Variants in PPAN observed in about 807,000 individuals in gnomAD.
PPAN encodes suppressor of SWI4 1 homolog.
PPAN carries 39 observed loss-of-function variants against 48.5 expected under a neutral mutation model. That is an observed-to-expected ratio of 0.80 (90% CI 0.62 to 1.05). The LOEUF is 1.05. Ranked by LOEUF, PPAN falls within the 50% of genes least tolerant of loss-of-function variation. The pLI is 0.00. For missense variants in PPAN, 736 were observed against 661.7 expected (o/e 1.11, Z -1.23); for synonymous variants, 315 against 268.6 (o/e 1.17, Z -1.69).
rs906598626 is a variant in PPAN at position 10,111,094 on chromosome 19, G to A, written c.1351G>A (p.Gly451Arg). 6.2e-7 allele frequency: 1 copy of A among 1,612,650 alleles called. No individual in the cohort carries two copies. The highest frequency in any genetic ancestry group is 8.5e-7 in the Non-Finnish European group (1 of 1,179,654). ...GTCCCAGGGAGCCCAGGCCAGGCGG[G>A]GGCCCAGAGGGGCTTCCCGGGATGG... ...DKSQGAQARR[G>R]PRGASRDGGR... The change falls in exon 12 of 12, where the codon GGG becomes AGG. Residue 451 changes from glycine to arginine, a missense_variant. Physicochemically the swap from Gly to Arg is moderately radical, Grantham distance 125. Transcript: ENST00000253107.
rs78029270 is a variant in PPAN, at chr19:10,110,542, G to A, written c.959G>A (p.Arg320Gln). 428 of 1,610,788 alleles carry A rather than the reference G, an allele frequency of 2.7e-4. 3 individuals are homozygous for A. In the East Asian group the frequency reaches 7.9e-3, roughly 30 times the overall value. Residue 320 changes from arginine to glutamine, a missense_variant, in exon 10 of 12, where the codon CGG becomes CAG. Coordinates refer to ENST00000253107, the MANE Select transcript of PPAN (RefSeq NM_020230.7). This position sits in a 1 kb window ranked among gnomAD's most constrained non-coding sequence, Gnocchi z 5.9. ...CTGGAAGCCAAGGAGAAGAAGCTGC[G>A]GCTGAAGGCGCAGAGGCAGGCCCAG... ...AILEAKEKKL[R>Q]LKAQRQAQQA...
At position 10,110,319 on chromosome 19, in the gene PPAN, C is replaced by G. The variant is rs1325708239; in HGVS notation, c.823-5C>G. On this transcript the variant is annotated splice_region_variant and splice_polypyrimidine_tract_variant and intron_variant, in intron 8 of 11. Transcript: ENST00000253107. The surrounding 1 kb of genome is among the most constrained non-coding windows in gnomAD (Gnocchi z 5.9). ...TGGGCTGACGCTTCTTCCTCGTCCC[C>G]TCAGATCGGCCCGCGGATGACACTG... The G allele has an allele frequency of 1.2e-6, 2 of 1,613,710 alleles. No homozygotes were observed. The highest frequency in any genetic ancestry group is 1.7e-6 in the Non-Finnish European group (2 of 1,179,968).
At position 10,110,245 on chromosome 19, in the gene PPAN, A is replaced by G; in HGVS notation, c.821A>G (p.Glu274Gly). The change falls in exon 8 of 12, where the codon GAG becomes GGG. Residue 274 changes from glutamate (E) to glycine (G), a missense_variant and splice_region_variant. Transcript: ENST00000253107. This position sits in a 1 kb window ranked among gnomAD's most constrained non-coding sequence, Gnocchi z 5.9. ...RAQQSAVRLTEIGPRMTLQLI... is the reference protein window; with the variant it reads ...RAQQSAVRLTGIGPRMTLQLI... ...CAGCAGAGTGCAGTGCGGCTCACCG[A>G]GGTGAGGCCCAGGGCAGGGGGACCC... 1.9e-6 allele frequency: 3 copies of G among 1,611,876 alleles called. No homozygotes were observed. Among genetic ancestry groups the G allele is most frequent in the Non-Finnish European group, 2.5e-6 (3 of 1,179,638 alleles).
Position 10,110,564 on chromosome 19 carries a change from C to A in PPAN, c.981C>A (p.Ala327=), listed in dbSNP as rs752080721. The change falls in exon 10 of 12, where the codon GCC becomes GCA. Residue 327 remains alanine, a synonymous_variant. Transcript: ENST00000253107. The surrounding 1 kb of genome is among the most constrained non-coding windows in gnomAD (Gnocchi z 5.9). ...TGCGGCTGAAGGCGCAGAGGCAGGC[C>A]CAGCAGGCCCAGAATGTGCAGCGCA... ...KKLRLKAQRQ[A]QQAQNVQRKQ... is the part of the protein sequence containing the mutation. 6.2e-7 allele frequency: 1 copy of A among 1,605,068 alleles called. No homozygotes were observed. The highest frequency in any genetic ancestry group is 8.5e-7 in the Non-Finnish European group (1 of 1,176,810).
chr19:10,107,642 C>A (rs181000109), intron 3 of PPAN, 36 bp downstream of exon 3: 3 of 1,605,264 alleles, frequency 1.9e-6, no homozygotes, highest in African/African-American at 2.7e-5. Flanking sequence ...CTCCCCCAGA[C>A]CCCCCCTTCC....
chr19:10,110,286 C>T lies in PPAN; in HGVS notation c.823-38C>T, dbSNP rs535657541. Reference sequence around the variant, plus strand: ...AGGGGGACCCCCGGGCTCCACCAGTCCCAACGGTGGGCTGACGCTTCTTCC... The same window carrying T: ...AGGGGGACCCCCGGGCTCCACCAGTTCCAACGGTGGGCTGACGCTTCTTCC... On this transcript the variant is annotated intron_variant, in intron 8 of 11. Coordinates refer to ENST00000253107, the MANE Select transcript of PPAN (RefSeq NM_020230.7). This position sits in a 1 kb window ranked among gnomAD's most constrained non-coding sequence, Gnocchi z 5.9. The T allele has an allele frequency of 1.2e-6, 2 of 1,613,162 alleles. No homozygotes were observed. The highest frequency in any genetic ancestry group is 2.2e-5 in the South Asian group (2 of 91,012).
rs372740190 is a variant in PPAN at position 10,110,456 on chromosome 19, A to T, written c.902-29A>T. On this transcript the variant is annotated intron_variant, in intron 9 of 11. Coordinates refer to ENST00000253107, the MANE Select transcript of PPAN (RefSeq NM_020230.7). The surrounding 1 kb of genome is among the most constrained non-coding windows in gnomAD (Gnocchi z 5.9). Reference sequence around the variant, plus strand: ...GTCATGGGTGTGGAGCTGCACCCGGATCTTGGTGACCCGCGTCTCTTGGCT... The same window carrying T: ...GTCATGGGTGTGGAGCTGCACCCGGTTCTTGGTGACCCGCGTCTCTTGGCT... 19 of 1,612,300 alleles carry T rather than the reference A, an allele frequency of 1.2e-5. No individual in the cohort carries two copies. Among genetic ancestry groups the T allele is most frequent in the African/African-American group, 4.0e-5 (3 of 74,818 alleles).
At chr19:10,107,004 T>C (rs906139764) in intron 2 of PPAN, 14 of 615,806 alleles carry the variant, frequency 2.3e-5, no homozygotes, top group Non-Finnish European at 3.9e-5. Context: ...CTGAGCAGCA[T>C]GGTGAAACCC....
intron 5 of PPAN, among the ~76,000 whole-genome samples, chr19:10,108,512 G>A (rs547322459): frequency 3.5e-4 from 53 of 152,148 alleles, no homozygotes; most frequent in Non-Finnish European, 6.8e-4. Context: ...ACTTTGGGAG[G>A]GCGAGGTGGG....
Position 10,110,755 on chromosome 19 carries a change from T to C in PPAN, c.1090T>C (p.Ser364Pro). The change falls in exon 11 of 12, where the codon TCT becomes CCT. Residue 364 changes from serine to proline, a missense_variant. By Grantham distance (74) the Ser-to-Pro change is moderately conservative. Coordinates refer to ENST00000253107, the MANE Select transcript of PPAN (RefSeq NM_020230.7). This position sits in a 1 kb window ranked among gnomAD's most constrained non-coding sequence, Gnocchi z 5.9. Reference protein sequence around the residue: ...ARVGGSDEEASGIPSRTASLE... With the variant: ...ARVGGSDEEAPGIPSRTASLE... The stretch of plus-strand genomic sequence containing the variant: ...GGTCGGGGGTAGTGATGAAGAGGCC[T>C]CTGGGATCCCTTCAAGGACGGCGAG... 1 of 1,613,862 alleles carries C rather than the reference T, an allele frequency of 6.2e-7. No individual in the cohort carries two copies. The highest frequency in any genetic ancestry group is 1.1e-5 in the South Asian group (1 of 91,070).
intron 6 of PPAN, 82 bp from the exon 7 acceptor site, chr19:10,109,831 T>G: frequency 6.3e-7 from 1 of 1,596,918 alleles, no homozygotes; most frequent in Non-Finnish European, 8.6e-7. Context: ...CCTGACGCAC[T>G]GTGGGAAGGG....
chr19:10,109,967 G>T lies in PPAN; in HGVS notation c.645G>T (p.Gln215His). ...GTCGCGGGATGAAGAAGCTGCTCCA[G>T]GAGAAGTTCCCCAACATGAGCCGCC... ...GASRGMKKLL[Q>H]EKFPNMSRLQ... The change falls in exon 7 of 12, where the codon CAG becomes CAT. Residue 215 changes from glutamine (Q) to histidine (H), a missense_variant. Gln to His is a conservative substitution (Grantham distance 24). Transcript: ENST00000253107. The T allele has an allele frequency of 6.2e-7, 1 of 1,614,082 alleles. No individual in the cohort carries two copies. Among genetic ancestry groups the T allele is most frequent in the Non-Finnish European group, 8.5e-7 (1 of 1,179,948 alleles).
At position 10,111,480 on chromosome 19, in the gene PPAN, C is replaced by A. The variant is rs2089073020; in HGVS notation, c.*315C>A. 3 of 625,874 alleles carry A rather than the reference C, an allele frequency of 4.8e-6. No homozygotes were observed. Among genetic ancestry groups the A allele is most frequent in the South Asian group, 3.8e-5 (2 of 52,114 alleles). The allele number at this position is 625,874 out of a possible 1,614,324, so 38.8% of individuals were successfully genotyped here. ...GCAGCAGCCATGAGTGGCCCCTCCC[C>A]CCAGTCCCACCAAAGAGCCGTGCAA... On this transcript the variant is annotated 3_prime_UTR_variant, in exon 12 of 12. Transcript: ENST00000253107.
chr19:10,108,000 C>G lies in PPAN; in HGVS notation c.379C>G (p.Arg127Gly). ...GCGTGATGTGGTCTCCTCACTGCGC[C>G]GGCACCGCATGCACGAGCAGCAGTT... ...LVRDVVSSLR[R>G]HRMHEQQFAH... Residue 127 changes from arginine (R) to glycine (G), a missense_variant, in exon 5 of 12, where the codon CGG (arginine) becomes GGG (glycine). Transcript: ENST00000253107. The G allele has an allele frequency of 6.2e-7, 1 of 1,611,258 alleles. No individual in the cohort carries two copies. Among genetic ancestry groups the G allele is most frequent in the Non-Finnish European group, 8.5e-7 (1 of 1,178,388 alleles).
rs1239515884 is a variant in PPAN at position 10,111,042 on chromosome 19, C to T, written c.1299C>T (p.Asp433=). Residue 433 remains aspartate, a synonymous_variant, in exon 12 of 12, where the codon GAC becomes GAT. Coordinates refer to ENST00000253107, the MANE Select transcript of PPAN (RefSeq NM_020230.7). The stretch of plus-strand genomic sequence containing the variant: ...ATCGAGGCAGGGGTCGCCTTTGTGA[C>T]CAGAAGTTTCCCAAGACCAAGGACA... The part of the protein sequence containing the change: ...EMDRGRGRLC[D]QKFPKTKDKS... The T allele has an allele frequency of 1.2e-6, 2 of 1,613,692 alleles. No homozygotes were observed. Among genetic ancestry groups the T allele is most frequent in the South Asian group, 2.2e-5 (2 of 91,074 alleles).
At chr19:10,108,252 C>T in intron 5 of PPAN, 118 bp downstream of exon 5, 1 of 1,414,264 alleles carries the variant, frequency 7.1e-7, no homozygotes, top group African/African-American at 1.4e-5. Flanking sequence ...CCTGGGTCTG[C>T]TGAGTCCTGA....
chr19:10,109,201 T>C (rs149088353), intron 5 of PPAN, among the ~76,000 whole-genome samples: 7,264 of 152,052 alleles, frequency 0.048, 500 homozygotes, highest in African/African-American at 0.15. Context: ...CCTCGTGAGC[T>C]GCCCGCCTCG....
At position 10,109,721 on chromosome 19, in the gene PPAN, C is replaced by T; in HGVS notation, c.590+14C>T. 1 of 1,612,298 alleles carries T rather than the reference C, an allele frequency of 6.2e-7. No individual in the cohort carries two copies. Among genetic ancestry groups the T allele is most frequent in the Non-Finnish European group, 8.5e-7 (1 of 1,179,036 alleles). ...CTTCCGCCACTAGTGAGTGTCCCAG[C>T]AGGATGGGAGACGAGGGGGTGCCGG... is the stretch of plus-strand genomic sequence containing the variant. On this transcript the variant is annotated intron_variant, in intron 6 of 11. Coordinates refer to ENST00000253107, the MANE Select transcript of PPAN (RefSeq NM_020230.7).
Position 10,110,267 on chromosome 19 carries a change from AC to A in PPAN, c.822+26del, listed in dbSNP as rs770552290. On this transcript the variant is annotated intron_variant, in intron 8 of 11. Transcript: ENST00000253107. The surrounding 1 kb of genome is among the most constrained non-coding windows in gnomAD (Gnocchi z 5.9). Reference sequence around the variant, plus strand: ...CCGAGGTGAGGCCCAGGGCAGGGGGACCCCCGGGCTCCACCAGTCCCAACGG... The same window carrying A: ...CCGAGGTGAGGCCCAGGGCAGGGGGACCCCGGGCTCCACCAGTCCCAACGG... 5 of 1,611,410 alleles carry A rather than the reference AC, an allele frequency of 3.1e-6. No individual in the cohort carries two copies. The South Asian group carries it at 3.3e-5, about 11-fold the overall frequency.
Sources: allele counts gnomAD v4.1 joint callset (sites outside exome capture counted in the v4.1 genomes callset), GRCh38; gene constraint gnomAD v4.1.1; non-coding constraint Gnocchi (gnomAD v3.1); transcripts MANE v1.5; gene names NCBI Gene and HGNC (gene_info 2026-07-23, HGNC 2026-07-21).